The following FAM171B variants were observed in gnomAD, a reference collection of about 807,000 sequenced individuals.
The protein encoded by FAM171B is protein FAM171B.
A neutral mutation model predicts 75.6 loss-of-function variants in FAM171B; 19 were observed. The observed-to-expected ratio is 0.25, with a 90% confidence interval of 0.18 to 0.37. FAM171B has a LOEUF of 0.37. Ranked by LOEUF, FAM171B falls within the 10% of genes least tolerant of loss-of-function variation. FAM171B has a pLI of 1.00. For synonymous variants in FAM171B, 367 were observed against 361.7 expected, an observed-to-expected ratio of 1.01 and a Z score of -0.17; for missense variants, 848 against 982.4, an observed-to-expected ratio of 0.86 and a Z score of 1.83.
chr2:186,724,755 G>A (rs114445194), intron 1 of FAM171B, among the ~76,000 whole-genome samples: 1,745 of 152,280 alleles, frequency 0.011, 32 homozygotes, highest in African/African-American at 0.038. Context: ...GCAAAGACCT[G>A]GAGGTGAGAG....
At chr2:186,709,034 T>G (rs1689772425) in intron 1 of FAM171B, among the ~76,000 whole-genome samples, 1 of 152,020 alleles carries the variant, frequency 6.6e-6, no homozygotes, top group Admixed American at 6.6e-5. Flanking sequence ...CTCAGGGAGC[T>G]TCCAGTCATA....
chr2:186,729,155 G>A (rs779852639), intron 1 of FAM171B, among the ~76,000 whole-genome samples: 3 of 151,960 alleles, frequency 2.0e-5, no homozygotes, highest in Non-Finnish European at 4.4e-5. Flanking sequence ...TCACTGATAC[G>A]TATTTTATTT....
At position 186,764,467 on chromosome 2, in the gene FAM171B, T is replaced by TTA. The variant is rs1690671496; in HGVS notation, c.*1645_*1646insAT. 1 of 73,842 alleles carries TTA rather than the reference T, an allele frequency of 1.4e-5. No homozygotes were observed. Among genetic ancestry groups the TTA allele is most frequent in the Admixed American group, 1.4e-4 (1 of 7,362 alleles). The allele number at this position is 73,842 out of a possible 1,614,324, so 4.6% of individuals were successfully genotyped here. On this transcript the variant is annotated 3_prime_UTR_variant, in exon 8 of 8. Coordinates refer to ENST00000304698, the MANE Select transcript of FAM171B (RefSeq NM_177454.4). Reference sequence around the variant, plus strand: ...TTTGGGTAATACCTAGGCTTCCTTTTTTTTTTTTTTTTTTTTTTTTTAGTG... The same window carrying TTA: ...TTTGGGTAATACCTAGGCTTCCTTTTTATTTTTTTTTTTTTTTTTTTTTAGTG...
intron 6 of FAM171B, among the ~76,000 whole-genome samples, chr2:186,757,336 C>T (rs768011888): frequency 1.3e-5 from 2 of 152,076 alleles, no homozygotes; most frequent in Non-Finnish European, 2.9e-5. Flanking sequence ...CACTCCTAGA[C>T]TCCCTGTTGC....
chr2:186,731,846 AT>A (rs1559087065), intron 1 of FAM171B, among the ~76,000 whole-genome samples: 1 of 151,996 alleles, frequency 6.6e-6, no homozygotes, highest in East Asian at 1.9e-4. Flanking sequence ...CATGAACCCT[AT>A]TTTGAACTGA....
intron 6 of FAM171B, 33 bp downstream of exon 6, chr2:186,754,082 T>A: frequency 6.8e-7 from 1 of 1,480,374 alleles, no homozygotes; most frequent in Non-Finnish European, 9.3e-7. Flanking sequence ...TTAAAACATG[T>A]AATTCAAATA....
At chr2:186,738,579 C>G (rs555264041) in intron 1 of FAM171B, among the ~76,000 whole-genome samples, 9 of 152,160 alleles carry the variant, frequency 5.9e-5, no homozygotes, top group Middle Eastern at 3.4e-3. Context: ...AGTTCTCACT[C>G]TGGTCGTGGA....
intron 3 of FAM171B, among the ~76,000 whole-genome samples, chr2:186,744,867 G>A (rs1422738449): frequency 1.4e-5 from 2 of 140,124 alleles, no homozygotes; most frequent in Admixed American, 1.5e-4. Flanking sequence ...GTCTGGCTCT[G>A]TCACCCAGGT....
intron 2 of FAM171B, 148 bp from the exon 3 acceptor site, chr2:186,743,335 C>T: frequency 3.5e-6 from 2 of 571,496 alleles, no homozygotes; most frequent in Admixed American, 3.3e-5. Flanking sequence ...TACATTCATT[C>T]TTCCTTTGTT....
chr2:186,730,452 G>A (rs1690098611), intron 1 of FAM171B, among the ~76,000 whole-genome samples: 1 of 152,178 alleles, frequency 6.6e-6, no homozygotes, highest in African/African-American at 2.4e-5. Context: ...TAACTGAGTG[G>A]CATTAAGGAG....
chr2:186,724,786 A>G (rs1247446200), intron 1 of FAM171B, among the ~76,000 whole-genome samples: 1 of 152,148 alleles, frequency 6.6e-6, no homozygotes, highest in African/African-American at 2.4e-5. Flanking sequence ...GTGTTCAAGG[A>G]AGTGTAAGAA....
chr2:186,737,493 T>G (rs755836315), intron 1 of FAM171B, among the ~76,000 whole-genome samples: 4 of 152,176 alleles, frequency 2.6e-5, no homozygotes, highest in Non-Finnish European at 5.9e-5. Context: ...GCAGCTGGCA[T>G]GTGCCAGTAC....
At chr2:186,751,034 C>T (rs1690444548) in intron 4 of FAM171B, 100 bp from the exon 5 acceptor site, 8 of 847,552 alleles carry the variant, frequency 9.4e-6, no homozygotes, top group South Asian at 2.6e-5. Flanking sequence ...AATAGATAAC[C>T]CTTGGTGAAA....
At chr2:186,694,862 A>G (rs550078783) in intron 1 of FAM171B, among the ~76,000 whole-genome samples, 4 of 151,914 alleles carry the variant, frequency 2.6e-5, no homozygotes, top group Non-Finnish European at 5.9e-5. Context: ...AAATCTTGCC[A>G]TGGACACCCA....
rs1689546327 is a variant in FAM171B, at chr2:186,694,424, T to TGCCCAGCCCGGTCTTTCAGTCTCGGCC, written c.238+15_238+41dup. ...TTGACGGTTCCAGGTAGGTCCTGGC[T>TGCCCAGCCCGGTCTTTCAGTCTCGGCC]GCCCAGCCCGGTCTTTCAGTCTCGG... On this transcript the variant is annotated intron_variant, in intron 1 of 7. Transcript: ENST00000304698. 4 of 1,602,950 alleles carry TGCCCAGCCCGGTCTTTCAGTCTCGGCC rather than the reference T, an allele frequency of 2.5e-6. No individual in the cohort carries two copies. The African/African-American group carries it at 5.4e-5, about 21-fold the overall frequency.
At position 186,762,350 on chromosome 2, in the gene FAM171B, C is replaced by T. The variant is rs775021880; in HGVS notation, c.2008C>T (p.Pro670Ser). The change falls in exon 8 of 8, where the codon CCC becomes TCC. Residue 670 changes from proline (P) to serine (S), a missense_variant. Pro to Ser is a moderately conservative substitution (Grantham distance 74). This residue lies in a region of FAM171B where 47 missense variants were observed against 94.0 expected (regional missense o/e 0.50). Transcript: ENST00000304698. This position sits in a 1 kb window ranked among gnomAD's most constrained non-coding sequence, Gnocchi z 4.0. Reference sequence around the variant, plus strand: ...GTCCAAAGGAAAGCCCTCCCCGCATCCCAGAGCCTGGTTTGTGTCTCTTGA... The same window carrying T: ...GTCCAAAGGAAAGCCCTCCCCGCATTCCAGAGCCTGGTTTGTGTCTCTTGA... ...ELSKGKPSPH[P>S]RAWFVSLDGK... 1 of 1,613,744 alleles carries T rather than the reference C, an allele frequency of 6.2e-7. No individual in the cohort carries two copies.
At chr2:186,736,634 A>G (rs1690206649) in intron 1 of FAM171B, among the ~76,000 whole-genome samples, 2 of 133,466 alleles carry the variant, frequency 1.5e-5, no homozygotes, top group Admixed American at 7.8e-5. Context: ...AGACTCTGGA[A>G]GGGATCAGAG....
At chr2:186,740,483 T>G (rs1296988758) in intron 2 of FAM171B, 22 bp downstream of exon 2, 1 of 1,551,178 alleles carries the variant, frequency 6.4e-7, no homozygotes, top group East Asian at 2.3e-5. Context: ...AACAGTTTTT[T>G]TTTGTTTGTT....
intron 1 of FAM171B, among the ~76,000 whole-genome samples, chr2:186,738,860 T>C (rs2105785313): frequency 6.6e-6 from 1 of 152,300 alleles, no homozygotes; most frequent in South Asian, 2.1e-4. Context: ...TACAGCCATG[T>C]GTAACTTAAC....
Sources: gnomAD v4.1 joint callset for allele counts (sites outside exome capture counted in the v4.1 genomes callset) on GRCh38, gnomAD v4.1.1 for gene constraint, gnomAD v4.1.1 regional missense constraint, Gnocchi (gnomAD v3.1) non-coding constraint, MANE v1.5 for transcripts, NCBI Gene and HGNC (gene_info 2026-07-23, HGNC 2026-07-21) for gene names.